Variants in PTP4A1 observed in about 807,000 individuals in gnomAD.
PTP4A1 encodes protein tyrosine phosphatase 4A1, also known as protein tyrosine phosphatase type IVA 1.
PTP4A1 carries 9 observed loss-of-function variants against 20.5 expected under a neutral mutation model. The ratio of observed to expected loss-of-function variants is 0.44; its 90% CI spans 0.26 to 0.77. The LOEUF is 0.77. PTP4A1 is among the 30% of genes least tolerant of loss of function. The pLI, the probability that PTP4A1 is intolerant of heterozygous loss-of-function variation, is 0.19. For missense variants in PTP4A1, 137 were observed against 218.8 expected, an observed-to-expected ratio of 0.63 and a Z score of 2.36; for synonymous variants, 78 against 67.4, an observed-to-expected ratio of 1.16 and a Z score of -0.77.
chr6:63,558,790 A>G (rs1776800151), intron 3 of PTP4A1, among the ~76,000 whole-genome samples: 1 of 152,206 alleles, frequency 6.6e-6, no homozygotes, highest in East Asian at 1.9e-4. Flanking sequence ...ACCAACACCT[A>G]TAGGGCAGGG....
rs1163711960 is a variant in PTP4A1 at position 63,540,096 on chromosome 6, GGTATCCATCCCTAA to G, written c.-639-10202_-639-10189del. Reference sequence around the variant, plus strand: ...CCATGCCCCTGCACTTTAGCTCCTGGGTATCCATCCCTAAGACATTTTGAACATCCAAAAGGAGA... The same window carrying G: ...CCATGCCCCTGCACTTTAGCTCCTGGGACATTTTGAACATCCAAAAGGAGA... On this transcript the variant is annotated intron_variant, in intron 2 of 3. Transcript: ENST00000639568. Among the ~76,000 whole-genome samples, 6 of 152,186 alleles carry G rather than the reference GGTATCCATCCCTAA, an allele frequency of 3.9e-5. No individual in the cohort carries two copies. The East Asian group carries it at 1.2e-3, about 29-fold the overall frequency.
rs150006961 is a variant in PTP4A1, at chr6:63,562,478, C to T, written c.-446+11985C>T. On this transcript the variant is annotated intron_variant, in intron 3 of 3. Transcript: ENST00000639568. ...CCTCCCAAAGTGCTGGGATTACAGGCGTGAGCCACCTTGACTGGCAAGATA... is the reference window on the plus strand; with the variant it reads ...CCTCCCAAAGTGCTGGGATTACAGGTGTGAGCCACCTTGACTGGCAAGATA... 9.2e-5 allele frequency among the ~76,000 whole-genome samples: 14 copies of T among 152,254 alleles called. No homozygotes were observed. The East Asian group carries it at 2.3e-3, about 25-fold the overall frequency.
chr6:63,538,621 A>G (rs1775819671), intron 2 of PTP4A1, among the ~76,000 whole-genome samples: 1 of 152,224 alleles, frequency 6.6e-6, no homozygotes, highest in South Asian at 2.1e-4. Context: ...AAAAAGAAAA[A>G]AAGAAGTTGA....
chr6:63,579,403 C>A, intron 5 of PTP4A1, 72 bp downstream of exon 5: 1 of 1,051,738 alleles, frequency 9.5e-7, no homozygotes, highest in Non-Finnish European at 1.4e-6. Context: ...GTTTAATAGT[C>A]TAATAGCCCA....
intron 3 of PTP4A1, among the ~76,000 whole-genome samples, chr6:63,559,036 C>T (rs898146080): frequency 1.4e-4 from 22 of 152,076 alleles, no homozygotes; most frequent in African/African-American, 3.9e-4. Context: ...TGTATGGAGG[C>T]GAGAAGGATA....
intron 2 of PTP4A1, among the ~76,000 whole-genome samples, chr6:63,530,150 A>C (rs932550746): frequency 1.3e-5 from 2 of 152,222 alleles, no homozygotes; most frequent in Non-Finnish European, 2.9e-5. Flanking sequence ...GTCAAATTGG[A>C]ACCATCCAAA....
chr6:63,532,575 A>G (rs963030779), intron 2 of PTP4A1, among the ~76,000 whole-genome samples: 2 of 152,186 alleles, frequency 1.3e-5, no homozygotes, highest in African/African-American at 4.8e-5. Context: ...TCCACAAAAA[A>G]AAAATCTCCC....
intron 3 of PTP4A1, among the ~76,000 whole-genome samples, chr6:63,551,696 C>A (rs1467982823): frequency 6.6e-6 from 1 of 150,652 alleles, no homozygotes; most frequent in East Asian, 2.0e-4. Flanking sequence ...CTCCCCCTAC[C>A]CCACAACAGG....
At chr6:63,569,736 T>C (rs1777340450), upstream of PTP4A1, among the ~76,000 whole-genome samples, 1 of 152,192 alleles carries the variant, frequency 6.6e-6, no homozygotes, top group Non-Finnish European at 1.5e-5. Flanking sequence ...AATCCTCTAT[T>C]TTAGAGCCTC....
intron 2 of PTP4A1, among the ~76,000 whole-genome samples, chr6:63,532,055 T>C (rs914718276): frequency 2.0e-5 from 3 of 152,164 alleles, no homozygotes; most frequent in African/African-American, 7.2e-5. Flanking sequence ...CACCTCGGCC[T>C]CCCAGAGTGC....
At chr6:63,555,566 T>C (rs960408948) in intron 3 of PTP4A1, among the ~76,000 whole-genome samples, 4 of 152,212 alleles carry the variant, frequency 2.6e-5, no homozygotes, top group Non-Finnish European at 5.9e-5. Flanking sequence ...GTGCCTATTG[T>C]AGTAGTTATG....
intron 2 of PTP4A1, among the ~76,000 whole-genome samples, chr6:63,541,397 C>CA (rs1005238845): frequency 7.2e-5 from 11 of 151,800 alleles, no homozygotes; most frequent in South Asian, 2.1e-4. Flanking sequence ...ACTAAAAAAA[C>CA]AAAAAAATAG....
intron 2 of PTP4A1, among the ~76,000 whole-genome samples, chr6:63,539,275 A>G (rs550722751): frequency 8.3e-4 from 126 of 152,352 alleles, no homozygotes; most frequent in Middle Eastern, 6.8e-3. Flanking sequence ...ATATTAACAA[A>G]GAGATAAAGA....
intron 2 of PTP4A1, among the ~76,000 whole-genome samples, chr6:63,528,309 G>A (rs1308007307): frequency 6.6e-6 from 1 of 152,308 alleles, no homozygotes; most frequent in African/African-American, 2.4e-5. Flanking sequence ...TTGAAGAATA[G>A]CATTGGCTGG....
chr6:63,561,612 A>G (rs1008916729), intron 3 of PTP4A1, among the ~76,000 whole-genome samples: 1 of 152,022 alleles, frequency 6.6e-6, no homozygotes, highest in Non-Finnish European at 1.5e-5. Flanking sequence ...TACAATCACA[A>G]CCCAGGTGAC....
intron 1 of PTP4A1, among the ~76,000 whole-genome samples, chr6:63,522,927 C>T (rs1375848205): frequency 1.3e-5 from 2 of 149,110 alleles, no homozygotes; most frequent in Non-Finnish European, 1.5e-5. Context: ...TGCAGCAGCA[C>T]GATCTCAGCT....
At chr6:63,557,034 T>A (rs776404310) in intron 3 of PTP4A1, among the ~76,000 whole-genome samples, 1 of 152,238 alleles carries the variant, frequency 6.6e-6, no homozygotes, top group Non-Finnish European at 1.5e-5. Flanking sequence ...GCATGAAATA[T>A]GCTAGTTTCT....
chr6:63,523,646 C>T (rs1775032928), intron 1 of PTP4A1, among the ~76,000 whole-genome samples: 1 of 152,202 alleles, frequency 6.6e-6, no homozygotes, highest in Admixed American at 6.5e-5. Flanking sequence ...CTAGAGCAAG[C>T]TTATCCATGC....
At chr6:63,556,302 G>A (rs1043844115) in intron 3 of PTP4A1, among the ~76,000 whole-genome samples, 1 of 151,900 alleles carries the variant, frequency 6.6e-6, no homozygotes, top group Non-Finnish European at 1.5e-5. Context: ...AGGAATACAG[G>A]TGTATAACAT....
Sources: allele counts gnomAD v4.1 joint callset (sites outside exome capture counted in the v4.1 genomes callset), GRCh38; gene constraint gnomAD v4.1.1; transcripts MANE v1.5; gene names NCBI Gene and HGNC (gene_info 2026-07-23, HGNC 2026-07-21).